The following PPP1R9A variants were observed in gnomAD, a reference collection of about 807,000 sequenced individuals.
The protein encoded by PPP1R9A is neurabin-1.
In PPP1R9A, 59 loss-of-function variants were observed where a neutral mutation model predicts 141.9. The observed-to-expected ratio is 0.42, with a 90% CI of 0.34 to 0.52. The LOEUF (loss-of-function observed/expected upper bound fraction) is 0.52, where lower values mean the gene tolerates loss of function less well. PPP1R9A is among the 20% of genes least tolerant of loss of function. The pLI is 0.10. For missense variants in PPP1R9A, 1,444 were observed against 1,611.9 expected (o/e 0.90, Z 1.78); for synonymous variants, 500 against 569.7 (o/e 0.88, Z 1.74).
rs1472487188 is a variant in PPP1R9A, at chr7:94,971,622, T to C, written c.1395+60114T>C. ...AATTATGTACCTTTGGAACCCTCTG[T>C]ATGGGTCAGTCTGTGGTACTCACAG... is the stretch of plus-strand genomic sequence containing the variant. On this transcript the variant is annotated intron_variant, in intron 2 of 19. Coordinates refer to ENST00000433360, the MANE Select transcript of PPP1R9A (RefSeq NM_001166160.2). Among the ~76,000 whole-genome samples the C allele has an allele frequency of 3.9e-5, 6 of 152,222 alleles. No individual in the cohort carries two copies. The East Asian group carries it at 1.2e-3, about 29-fold the overall frequency.
chr7:95,148,719 A>G lies in PPP1R9A; in HGVS notation c.1650-13148A>G, dbSNP rs532403539. ...AAAAAAAAAAAAATTAACAACCTTC[A>G]AAAAGAGAGAACAACACAGGGCCAG... On this transcript the variant is annotated intron_variant, in intron 4 of 19. Transcript: ENST00000433360. Among the ~76,000 whole-genome samples, 9 of 151,922 alleles carry G rather than the reference A, an allele frequency of 5.9e-5. No individual in the cohort carries two copies. The South Asian group carries it at 1.5e-3, about 25-fold the overall frequency.
chr7:95,276,457 GACTT>G (rs1355252644), intron 16 of PPP1R9A, among the ~76,000 whole-genome samples: 1 of 152,158 alleles, frequency 6.6e-6, no homozygotes, highest in Non-Finnish European at 1.5e-5. Flanking sequence ...CCCACAGCTA[GACTT>G]CTAGATTGGC....
intron 7 of PPP1R9A, among the ~76,000 whole-genome samples, chr7:95,223,458 G>A (rs1455613029): frequency 2.6e-5 from 4 of 151,894 alleles, no homozygotes; most frequent in Non-Finnish European, 5.9e-5. Flanking sequence ...TCATTTTCTT[G>A]ATATTGAAAA....
chr7:95,243,971 G>T (rs532238672), intron 8 of PPP1R9A, among the ~76,000 whole-genome samples: 10 of 152,104 alleles, frequency 6.6e-5, no homozygotes, highest in African/African-American at 2.4e-4. Context: ...AAACAAAAAG[G>T]GTTCAGTTAG....
chr7:94,926,354 T>G (rs1168921284), intron 2 of PPP1R9A, among the ~76,000 whole-genome samples: 1 of 152,176 alleles, frequency 6.6e-6, no homozygotes, highest in African/African-American at 2.4e-5. Context: ...TATGGTTGTT[T>G]GAGATATAAC....
chr7:95,120,883 G>A (rs1822451470), intron 4 of PPP1R9A, 51 bp downstream of exon 4: 2 of 1,550,060 alleles, frequency 1.3e-6, no homozygotes, highest in African/African-American at 1.4e-5. Flanking sequence ...GAACTTTCCT[G>A]GAAGTTTCCT....
rs138905198 is a variant in PPP1R9A, at chr7:95,117,074, C to T, written c.1529-3638C>T. Among the ~76,000 whole-genome samples, 25 of 152,232 alleles carry T rather than the reference C, an allele frequency of 1.6e-4. No homozygotes were observed. In the East Asian group the frequency reaches 4.4e-3, roughly 27 times the overall value. On this transcript the variant is annotated intron_variant, in intron 3 of 19. Coordinates refer to ENST00000433360, the MANE Select transcript of PPP1R9A (RefSeq NM_001166160.2). ...AAATTTAAATGACTGCATATATCAT[C>T]TAGGCTTGTGGCAGGAGAGTCTTAA...
At chr7:95,052,506 G>C (rs945104717) in intron 2 of PPP1R9A, among the ~76,000 whole-genome samples, 1 of 152,124 alleles carries the variant, frequency 6.6e-6, no homozygotes, top group Non-Finnish European at 1.5e-5. Flanking sequence ...TTCAAGATAA[G>C]AAATACAAGC....
chr7:95,292,973 T>C lies in PPP1R9A; in HGVS notation c.*2670T>C, dbSNP rs1406641646. On this transcript the variant is annotated 3_prime_UTR_variant, in exon 20 of 20. Transcript: ENST00000433360. Reference sequence around the variant, plus strand: ...GTGTCCTTACAATTTAACACAGAATTGTTATTTCATCAACCTTAAAAACTG... The same window carrying C: ...GTGTCCTTACAATTTAACACAGAATCGTTATTTCATCAACCTTAAAAACTG... 2 of 152,190 alleles carry C rather than the reference T, an allele frequency of 1.3e-5. No individual in the cohort carries two copies. The highest frequency in any genetic ancestry group is 1.3e-4 in the Admixed American group (2 of 15,278). 9.4% of individuals were successfully genotyped at this position (152,190 alleles called of 1,614,324 possible). A position where few individuals can be genotyped will look rare whatever the true frequency, so the allele number is the denominator to read the frequency against.
chr7:95,062,177 G>T (rs550763171), intron 2 of PPP1R9A, among the ~76,000 whole-genome samples: 1 of 152,266 alleles, frequency 6.6e-6, no homozygotes, highest in East Asian at 1.9e-4. Context: ...GCCCTTGAGG[G>T]TGAGTGGAGC....
chr7:94,921,750 G>A (rs1584223678), intron 2 of PPP1R9A, among the ~76,000 whole-genome samples: 1 of 152,172 alleles, frequency 6.6e-6, no homozygotes, highest in African/African-American at 2.4e-5. Context: ...ATAAAATACA[G>A]TAATTTAAAT....
At chr7:94,972,451 C>T (rs1294511310) in intron 2 of PPP1R9A, among the ~76,000 whole-genome samples, 1 of 149,836 alleles carries the variant, frequency 6.7e-6, no homozygotes, top group Non-Finnish European at 1.5e-5. Flanking sequence ...GCTTCTTGTT[C>T]TCTAGCAGTG....
chr7:95,198,552 A>G, intron 6 of PPP1R9A, 68 bp downstream of exon 6: 1 of 1,439,140 alleles, frequency 6.9e-7, no homozygotes, highest in Non-Finnish European at 9.2e-7. Context: ...CTACTGTATA[A>G]CAGTATGACA....
chr7:95,114,851 C>A (rs1821193331), intron 3 of PPP1R9A, among the ~76,000 whole-genome samples: 2 of 142,706 alleles, frequency 1.4e-5, no homozygotes, highest in African/African-American at 2.6e-5. Context: ...ACTCATATCC[C>A]AAACCATCGT....
At chr7:95,041,188 A>C (rs1054420082) in intron 2 of PPP1R9A, among the ~76,000 whole-genome samples, 14 of 152,162 alleles carry the variant, frequency 9.2e-5, no homozygotes, top group African/African-American at 3.1e-4. Context: ...GAGCATGGAG[A>C]ATAGCCCAGC....
At chr7:95,228,964 A>G (rs1313925076) in intron 8 of PPP1R9A, among the ~76,000 whole-genome samples, 1 of 152,140 alleles carries the variant, frequency 6.6e-6, no homozygotes, top group East Asian at 1.9e-4. Context: ...ATGGCCAGTC[A>G]TGCTGGCTCA....
intron 2 of PPP1R9A, among the ~76,000 whole-genome samples, chr7:94,940,296 A>AT (rs888549399): frequency 4.6e-5 from 7 of 151,420 alleles, no homozygotes; most frequent in East Asian, 1.9e-4. Context: ...CATCTCTCAT[A>AT]TTTTTTTTCC....
chr7:95,174,218 A>G (rs1832575829), intron 5 of PPP1R9A, among the ~76,000 whole-genome samples: 1 of 152,128 alleles, frequency 6.6e-6, no homozygotes, highest in Non-Finnish European at 1.5e-5. Flanking sequence ...TTTCAATACC[A>G]TGTATGACTC....
intron 5 of PPP1R9A, among the ~76,000 whole-genome samples, chr7:95,190,439 AATAGACTGTGTGAGAG>A (rs1835328349): frequency 6.6e-6 from 1 of 152,198 alleles, no homozygotes; most frequent in South Asian, 2.1e-4. Context: ...AGGGCTGTGA[AATAGACTGTGTGAGAG>A]TCCTTGGTTT....
Sources: allele counts gnomAD v4.1 joint callset (sites outside exome capture counted in the v4.1 genomes callset), GRCh38; gene constraint gnomAD v4.1.1; transcripts MANE v1.5; gene names NCBI Gene and HGNC (gene_info 2026-07-23, HGNC 2026-07-21).